Variants in CFAP54 observed in about 807,000 individuals in gnomAD.
CFAP54 encodes the protein cilia and flagella associated protein 54.
In CFAP54, 290 loss-of-function variants were observed where a neutral mutation model predicts 370.4. The ratio of observed to expected loss-of-function variants is 0.78; its 90% CI spans 0.71 to 0.86. CFAP54 has a LOEUF of 0.86. Ranked by LOEUF, CFAP54 falls within the 40% of genes least tolerant of loss-of-function variation. CFAP54 has a pLI of 0.00. For synonymous variants in CFAP54, 1,206 were observed against 1,236.5 expected, an observed-to-expected ratio of 0.98 and a Z score of 0.52; for missense variants, 3,399 against 3,528.7, an observed-to-expected ratio of 0.96 and a Z score of 0.93.
At chr12:96,770,196 G>GTGTGTGTGTGTGTGAATT (rs1481901671) in intron 60 of CFAP54, among the ~76,000 whole-genome samples, 1 of 151,718 alleles carries the variant, frequency 6.6e-6, no homozygotes, top group Non-Finnish European at 1.5e-5. Flanking sequence ...GGATGTGTGT[G>GTGTGTGTGTGTGTGAATT]TGTGTGTGTG....
intron 46 of CFAP54, among the ~76,000 whole-genome samples, chr12:96,701,832 A>G (rs1408230200): frequency 6.6e-6 from 1 of 152,098 alleles, no homozygotes; most frequent in Non-Finnish European, 1.5e-5. Flanking sequence ...ATAGGGCTTG[A>G]TAAGGACTGG....
intron 26 of CFAP54, among the ~76,000 whole-genome samples, chr12:96,617,614 T>C (rs367921297): frequency 1.3e-5 from 2 of 152,228 alleles, no homozygotes; most frequent in East Asian, 3.9e-4. Context: ...CCTTTTCTTT[T>C]TCCAGTGCTA....
At chr12:96,521,816 T>A in intron 6 of CFAP54, 41 bp from the exon 7 acceptor site, 1 of 1,353,800 alleles carries the variant, frequency 7.4e-7, no homozygotes, top group Non-Finnish European at 1.0e-6. Context: ...TTAATCACTA[T>A]ATTCTGATTT....
At chr12:96,631,568 G>A (rs189925766) in intron 32 of CFAP54, among the ~76,000 whole-genome samples, 130 of 150,868 alleles carry the variant, frequency 8.6e-4, no homozygotes, top group Non-Finnish European at 1.6e-3. Flanking sequence ...CTGCTGAATG[G>A]TATTTCATTA....
chr12:96,626,851 T>G lies in CFAP54; in HGVS notation c.4015T>G (p.Phe1339Val). Residue 1339 changes from phenylalanine to valine, a missense_variant, in exon 30 of 68, where the codon TTT becomes GTT. Transcript: ENST00000524981. Reference protein sequence around the residue: ...FKQKPRFLEFFTQVMLKCMNE... With the variant: ...FKQKPRFLEFVTQVMLKCMNE... ...GCAAAAACCAAGATTTCTGGAATTC[T>G]TTACACAAGTTATGCTAAAATGCAT... 4 of 1,415,112 alleles carry G rather than the reference T, an allele frequency of 2.8e-6. No homozygotes were observed. The highest frequency in any genetic ancestry group is 3.7e-6 in the Non-Finnish European group (4 of 1,071,566). 87.7% of individuals were successfully genotyped at this position (1,415,112 alleles called of 1,614,324 possible).
At chr12:96,704,668 A>G (rs879237177) in intron 46 of CFAP54, 75 bp from the exon 47 acceptor site, 1 of 531,086 alleles carries the variant, frequency 1.9e-6, no homozygotes, top group South Asian at 3.3e-5. Flanking sequence ...ATAATTTTAG[A>G]ACACATTAAA....
intron 64 of CFAP54, among the ~76,000 whole-genome samples, chr12:96,812,504 C>A (rs1324717527): frequency 1.3e-5 from 2 of 152,118 alleles, no homozygotes; most frequent in Admixed American, 6.6e-5. Flanking sequence ...TTGTTCATTG[C>A]CCTTCTGACC....
chr12:96,734,565 T>A (rs1021412667), intron 50 of CFAP54, among the ~76,000 whole-genome samples: 5 of 152,196 alleles, frequency 3.3e-5, no homozygotes, highest in Admixed American at 2.0e-4. Context: ...GTTATTATCA[T>A]CATTACTGCT....
intron 50 of CFAP54, among the ~76,000 whole-genome samples, chr12:96,735,695 G>A (rs997821530): frequency 6.6e-6 from 1 of 152,198 alleles, no homozygotes; most frequent in Non-Finnish European, 1.5e-5. Flanking sequence ...ATGTGGGAGA[G>A]ATAGGGTAAT....
chr12:96,847,772 CTGAAATGTTTGGT>C (rs2136451433), intron 66 of CFAP54, among the ~76,000 whole-genome samples: 1 of 152,250 alleles, frequency 6.6e-6, no homozygotes, highest in Non-Finnish European at 1.5e-5. Context: ...TTGGATTTGG[CTGAAATGTTTGGT>C]TGTCTGTGCA....
chr12:96,641,719 A>G lies in CFAP54; in HGVS notation c.4317-2459A>G, dbSNP rs1243768109. Among the ~76,000 whole-genome samples, 3 of 152,344 alleles carry G rather than the reference A, an allele frequency of 2.0e-5. No homozygotes were observed. In the East Asian group the frequency reaches 5.8e-4, roughly 29 times the overall value. ...ATAGACTGGATTAAGAAAATGTGGC[A>G]CATATACACCATGGAATACTATGCA... On this transcript the variant is annotated intron_variant, in intron 32 of 67. Transcript: ENST00000524981.
intron 66 of CFAP54, among the ~76,000 whole-genome samples, chr12:96,830,077 A>G (rs951445585): frequency 7.2e-5 from 11 of 152,176 alleles, no homozygotes; most frequent in African/African-American, 2.7e-4. Context: ...AGATGGACTA[A>G]TATTCCATTG....
chr12:96,757,031 A>C (rs1007153841), intron 57 of CFAP54, among the ~76,000 whole-genome samples: 2 of 152,192 alleles, frequency 1.3e-5, no homozygotes, highest in Admixed American at 1.3e-4. Flanking sequence ...CCCAGCTGAC[A>C]GATTTGATAG....
At chr12:96,664,792 T>G (rs1312684559) in intron 39 of CFAP54, among the ~76,000 whole-genome samples, 3,795 of 41,808 alleles carry the variant, frequency 0.091, 294 homozygotes, top group African/African-American at 0.24. Context: ...TATATATATA[T>G]ATATATATAT....
intron 39 of CFAP54, among the ~76,000 whole-genome samples, chr12:96,671,660 G>A (rs1411367052): frequency 1.3e-5 from 2 of 152,136 alleles, no homozygotes; most frequent in African/African-American, 2.4e-5. Context: ...GGTGGCTTAC[G>A]CCTGTAATCC....
intron 20 of CFAP54, among the ~76,000 whole-genome samples, chr12:96,579,419 G>A (rs187383528): frequency 4.5e-4 from 69 of 152,256 alleles, no homozygotes; most frequent in Non-Finnish European, 8.4e-4. Context: ...GTACAAATTT[G>A]TATTTTAAAG....
chr12:96,862,042 C>G (rs550842547), intron 67 of CFAP54, among the ~76,000 whole-genome samples: 1 of 151,926 alleles, frequency 6.6e-6, no homozygotes, highest in Non-Finnish European at 1.5e-5. Flanking sequence ...AATGAAACAA[C>G]GGTAATAGTA....
chr12:96,611,455 C>T (rs138626604), intron 26 of CFAP54, among the ~76,000 whole-genome samples: 127 of 152,268 alleles, frequency 8.3e-4, no homozygotes, highest in African/African-American at 2.8e-3. Flanking sequence ...AGCAGAAAAG[C>T]TGAAAATTCT....
At chr12:96,693,314 T>A (rs2136567273) in intron 44 of CFAP54, among the ~76,000 whole-genome samples, 1 of 152,344 alleles carries the variant, frequency 6.6e-6, no homozygotes, top group South Asian at 2.1e-4. Context: ...GGAGCAGAGA[T>A]TGAGTTCCTT....
Sources: gnomAD v4.1 joint callset for allele counts (sites outside exome capture counted in the v4.1 genomes callset) on GRCh38, gnomAD v4.1.1 for gene constraint, MANE v1.5 for transcripts, NCBI Gene and HGNC (gene_info 2026-07-23, HGNC 2026-07-21) for gene names.